Variants in ATP2A2 observed in about 807,000 individuals in gnomAD.
ATP2A2 encodes the protein ATPase sarcoplasmic/endoplasmic reticulum Ca2+ transporting 2.
In ATP2A2, 14 loss-of-function variants were observed where a neutral mutation model predicts 109.3. The observed-to-expected ratio is 0.13, with a 90% confidence interval of 0.08 to 0.20. ATP2A2 has a LOEUF of 0.20. ATP2A2 is among the 10% of genes least tolerant of loss of function. The pLI is 1.00. For missense variants in ATP2A2, 657 were observed against 1,321.6 expected (o/e 0.50, Z 7.80); for synonymous variants, 506 against 490.9 (o/e 1.03, Z -0.41).
At position 110,348,775 on chromosome 12, in the gene ATP2A2, G is replaced by C; in HGVS notation, c.*2305G>C. 1.0e-6 allele frequency: 1 copy of C among 985,556 alleles called. No individual in the cohort carries two copies. Among genetic ancestry groups the C allele is most frequent in the African/African-American group, 1.7e-5 (1 of 57,368 alleles). The allele number at this position is 985,556 out of a possible 1,614,324, so 61.1% of individuals were successfully genotyped here. ...GCTGTGGCTCTCGGGAAGGGAGGCT[G>C]CTTTGCCCAGCAGGGAACATTTGGG... On this transcript the variant is annotated 3_prime_UTR_variant, in exon 20 of 20. Coordinates refer to ENST00000539276, the MANE Select transcript of ATP2A2 (RefSeq NM_170665.4).
At chr12:110,293,389 G>T (rs11065616) in intron 4 of ATP2A2, among the ~76,000 whole-genome samples, 13,786 of 75,164 alleles carry the variant, frequency 0.18, 1,519 homozygotes, top group East Asian at 0.53. Flanking sequence ...TTTTTTTTTT[G>T]TTTGTTTGTT....
At chr12:110,325,410 G>C (rs539750860) in intron 6 of ATP2A2, among the ~76,000 whole-genome samples, 5 of 151,878 alleles carry the variant, frequency 3.3e-5, no homozygotes, top group African/African-American at 1.2e-4. Flanking sequence ...GAGGTGGGGG[G>C]ATCACCTCAG....
Position 110,346,726 on chromosome 12 carries a change from A to T in ATP2A2, c.*256A>T. On this transcript the variant is annotated 3_prime_UTR_variant, in exon 20 of 20. Transcript: ENST00000539276. ...TGCAAATATTTTTTTGTAGATGAAA[A>T]AGCATGTACAGTGTTCTGTTTAATA... The T allele has an allele frequency of 7.4e-7, 1 of 1,348,678 alleles. No homozygotes were observed. The highest frequency in any genetic ancestry group is 9.5e-7 in the Non-Finnish European group (1 of 1,048,086). 83.5% of individuals were successfully genotyped at this position (1,348,678 alleles called of 1,614,324 possible).
Position 110,346,845 on chromosome 12 carries a change from T to C in ATP2A2, c.*375T>C. On this transcript the variant is annotated 3_prime_UTR_variant, in exon 20 of 20. Coordinates refer to ENST00000539276, the MANE Select transcript of ATP2A2 (RefSeq NM_170665.4). Reference sequence around the variant, plus strand: ...TAGGAAATGAATGTGTGTGGTTTTTTTTCTAAAACTAAATAGCATGTATTG... The same window carrying C: ...TAGGAAATGAATGTGTGTGGTTTTTCTTCTAAAACTAAATAGCATGTATTG... 1 of 1,123,116 alleles carries C rather than the reference T, an allele frequency of 8.9e-7. No homozygotes were observed. Among genetic ancestry groups the C allele is most frequent in the Non-Finnish European group, 1.1e-6 (1 of 912,630 alleles). The allele number at this position is 1,123,116 out of a possible 1,614,324, so 69.6% of individuals were successfully genotyped here. A position where few individuals can be genotyped will look rare whatever the true frequency, so the allele number is the denominator to read the frequency against.
At chr12:110,330,724 C>G (rs1878252319) in intron 8 of ATP2A2, 1 of 152,168 alleles carries the variant, frequency 6.6e-6, no homozygotes, top group African/African-American at 2.4e-5. Context: ...CTGAGTGAAG[C>G]TCTACCTCAC....
chr12:110,337,448 A>G (rs1042062675), intron 11 of ATP2A2, among the ~76,000 whole-genome samples: 2 of 152,320 alleles, frequency 1.3e-5, no homozygotes, highest in Non-Finnish European at 2.9e-5. Context: ...CATTGGCGCA[A>G]ATGCTTAATT....
At chr12:110,332,047 A>G (rs1042088105) in intron 8 of ATP2A2, 2 of 180,606 alleles carry the variant, frequency 1.1e-5, no homozygotes, top group African/African-American at 2.4e-5. Context: ...AACATGAGCT[A>G]TTGCCACAAT....
At chr12:110,320,860 A>T (rs112910708) in intron 5 of ATP2A2, among the ~76,000 whole-genome samples, 212 of 152,326 alleles carry the variant, frequency 1.4e-3, no homozygotes, top group Non-Finnish European at 2.7e-3. Context: ...CACTCAAATT[A>T]AAAAAGTAAA....
At chr12:110,323,537 C>T (rs1225415572) in intron 6 of ATP2A2, among the ~76,000 whole-genome samples, 4 of 152,076 alleles carry the variant, frequency 2.6e-5, no homozygotes, top group South Asian at 2.1e-4. Flanking sequence ...TGGCTGGGCA[C>T]GGTGGCTCAT....
Position 110,333,030 on chromosome 12 carries a change from T to C in ATP2A2, c.1185-151T>C, listed in dbSNP as rs1406745660. 6.7e-6 allele frequency: 5 copies of C among 743,084 alleles called. No homozygotes were observed. In the African/African-American group the frequency reaches 7.0e-5, roughly 10 times the overall value. The allele number at this position is 743,084 out of a possible 1,614,324, so 46.0% of individuals were successfully genotyped here. ...TCTCTCTTTTGTTTTTGTCTAATAT[T>C]GGCTCTGGCATCAAATTGTTTGGAA... On this transcript the variant is annotated intron_variant, in intron 9 of 19. Coordinates refer to ENST00000539276, the MANE Select transcript of ATP2A2 (RefSeq NM_170665.4).
At position 110,349,030 on chromosome 12, in the gene ATP2A2, C is replaced by T; in HGVS notation, c.*2560C>T. ...CTGCTGTCGCACAGCCCCTAGTTAG[C>T]TTCATGGTTTCTCAGCTTCAGACCC... On this transcript the variant is annotated 3_prime_UTR_variant, in exon 20 of 20. Coordinates refer to ENST00000539276, the MANE Select transcript of ATP2A2 (RefSeq NM_170665.4). 2 of 985,340 alleles carry T rather than the reference C, an allele frequency of 2.0e-6. No individual in the cohort carries two copies. Among genetic ancestry groups the T allele is most frequent in the Non-Finnish European group, 2.4e-6 (2 of 829,968 alleles). The allele number at this position is 985,340 out of a possible 1,614,324, so 61.0% of individuals were successfully genotyped here.
Position 110,342,026 on chromosome 12 carries a change from G to A in ATP2A2, c.2098-202G>A, listed in dbSNP as rs1170814854. Among the ~76,000 whole-genome samples, 3 of 152,134 alleles carry A rather than the reference G, an allele frequency of 2.0e-5. No individual in the cohort carries two copies. Among genetic ancestry groups the A allele is most frequent in the Non-Finnish European group, 2.9e-5 (2 of 68,038 alleles). On this transcript the variant is annotated intron_variant, in intron 14 of 19. Transcript: ENST00000539276. The surrounding 1 kb of genome is among the most constrained non-coding windows in gnomAD (Gnocchi z 4.6). Reference sequence around the variant, plus strand: ...TTGAAGTCCCCTTTGTCCCACTTCGGTAAACTTATTTGGTAATTTTACATT... The same window carrying A: ...TTGAAGTCCCCTTTGTCCCACTTCGATAAACTTATTTGGTAATTTTACATT...
intron 5 of ATP2A2, among the ~76,000 whole-genome samples, chr12:110,302,079 CTT>C: frequency 6.6e-6 from 1 of 152,246 alleles, no homozygotes; most frequent in Admixed American, 6.5e-5. Context: ...GTGTATGTGA[CTT>C]AAGATTTTCA....
At chr12:110,341,146 A>G (rs1168754454) in intron 14 of ATP2A2, 152 bp downstream of exon 14, 2 of 903,928 alleles carry the variant, frequency 2.2e-6, no homozygotes, top group East Asian at 2.6e-5. Flanking sequence ...ATCAGTGGTT[A>G]GCATGTTGTG....
intron 11 of ATP2A2, among the ~76,000 whole-genome samples, chr12:110,337,935 G>A (rs1313854007): frequency 1.3e-5 from 2 of 152,236 alleles, no homozygotes; most frequent in Non-Finnish European, 2.9e-5. Flanking sequence ...AAAACTGGAA[G>A]AGAAGGGGTA....
At chr12:110,285,975 G>A (rs1872621517) in intron 3 of ATP2A2, among the ~76,000 whole-genome samples, 1 of 149,680 alleles carries the variant, frequency 6.7e-6, no homozygotes, top group Admixed American at 6.7e-5. Context: ...CCGGGCTGGA[G>A]CGCAGTGGTG....
At chr12:110,330,147 G>A (rs114027803) in intron 8 of ATP2A2, 1 of 152,104 alleles carries the variant, frequency 6.6e-6, no homozygotes, top group Non-Finnish European at 1.5e-5. Context: ...AGTTATCTTG[G>A]CCTTTTTGTC....
chr12:110,292,344 G>C (rs1482294232), intron 4 of ATP2A2, among the ~76,000 whole-genome samples: 1 of 152,048 alleles, frequency 6.6e-6, no homozygotes, highest in African/African-American at 2.4e-5. Flanking sequence ...TCGGCTCACT[G>C]CAACCTCTTC....
Position 110,349,272 on chromosome 12 carries a change from C to G in ATP2A2, c.*2802C>G. The G allele has an allele frequency of 1.0e-6, 1 of 985,554 alleles. No homozygotes were observed. The highest frequency in any genetic ancestry group is 1.2e-6 in the Non-Finnish European group (1 of 830,014). 61.1% of individuals were successfully genotyped at this position (985,554 alleles called of 1,614,324 possible). A position where few individuals can be genotyped will look rare whatever the true frequency, so the allele number is the denominator to read the frequency against. Reference sequence around the variant, plus strand: ...GCACATCCCTGGCCTCAGGCCCTCACCTAACAGTGAGGCAGCAGCTGCCCA... The same window carrying G: ...GCACATCCCTGGCCTCAGGCCCTCAGCTAACAGTGAGGCAGCAGCTGCCCA... On this transcript the variant is annotated 3_prime_UTR_variant, in exon 20 of 20. Transcript: ENST00000539276.
Sources: allele counts gnomAD v4.1 joint callset (sites outside exome capture counted in the v4.1 genomes callset), GRCh38; gene constraint gnomAD v4.1.1; non-coding constraint Gnocchi (gnomAD v3.1); transcripts MANE v1.5; gene names NCBI Gene and HGNC (gene_info 2026-07-23, HGNC 2026-07-21).